BRCA1: variants seen among roughly 807,000 people sequenced by gnomAD.
BRCA1 encodes the protein BRCA1 DNA repair associated, also known as breast cancer type 1 susceptibility protein.
In BRCA1, 140 loss-of-function variants were observed where a neutral mutation model predicts 173.7. The ratio of observed to expected loss-of-function variants is 0.81; its 90% CI spans 0.70 to 0.93. BRCA1 has a LOEUF of 0.93. Ranked by LOEUF, BRCA1 falls within the 40% of genes least tolerant of loss-of-function variation. The pLI is 0.00. For synonymous variants in BRCA1, 662 were observed against 756.0 expected (o/e 0.88, Z 2.04); for missense variants, 1,983 against 2,172.5 (o/e 0.91, Z 1.73).
At chr17:43,105,592 G>A (rs1441898665) in intron 4 of BRCA1, among the ~76,000 whole-genome samples, 1 of 152,032 alleles carries the variant, frequency 6.6e-6, no homozygotes, top group African/African-American at 2.4e-5. Flanking sequence ...ACTTAGTTCT[G>A]CCTCTCAAGG....
chr17:43,130,386 C>T (rs762110031), upstream of BRCA1, among the ~76,000 whole-genome samples: 2 of 152,138 alleles, frequency 1.3e-5, no homozygotes, highest in African/African-American at 2.4e-5. Flanking sequence ...ATGATCTTGG[C>T]GCACTGCAAC....
At chr17:43,120,456 T>G (rs1300283224) in intron 2 of BRCA1, among the ~76,000 whole-genome samples, 1 of 152,198 alleles carries the variant, frequency 6.6e-6, no homozygotes, top group Non-Finnish European at 1.5e-5. Flanking sequence ...TACAAATGAA[T>G]GTAAAACACC....
At chr17:43,100,678 AATATATAT>A (rs56679756) in intron 6 of BRCA1, among the ~76,000 whole-genome samples, 34 of 36,246 alleles carry the variant, frequency 9.4e-4, no homozygotes, top group African/African-American at 3.6e-3. Context: ...ATATATATAT[AATATATAT>A]ATATATATAT....
intron 1 of BRCA1, among the ~76,000 whole-genome samples, chr17:43,133,905 G>A (rs1372022880): frequency 6.6e-6 from 1 of 152,154 alleles, no homozygotes; most frequent in East Asian, 1.9e-4. Context: ...AAAGTGCTAG[G>A]ATTACAGGCG....
chr17:43,070,570 C>G (rs1395173669), intron 15 of BRCA1, among the ~76,000 whole-genome samples: 1 of 152,156 alleles, frequency 6.6e-6, no homozygotes, highest in Non-Finnish European at 1.5e-5. Context: ...GGTAAATTCA[C>G]CCATGTGAGA....
chr17:43,151,727 A>C (rs1371277452), intron 1 of BRCA1, among the ~76,000 whole-genome samples: 1 of 152,044 alleles, frequency 6.6e-6, no homozygotes, highest in Admixed American at 6.6e-5. Context: ...CCATCTCTAC[A>C]AAAAAATGTT....
intron 2 of BRCA1, 52 bp downstream of exon 2, chr17:43,123,965 A>G: frequency 7.3e-7 from 1 of 1,374,898 alleles, no homozygotes. Context: ...GTTCATTTGC[A>G]TAGGAGATAA....
At position 43,090,952 on chromosome 17, in the gene BRCA1, T is replaced by G. The variant is rs587782870; in HGVS notation, c.4177A>C (p.Thr1393Pro). The G allele has an allele frequency of 6.2e-7, 1 of 1,610,120 alleles. No homozygotes were observed. Among genetic ancestry groups the G allele is most frequent in the Non-Finnish European group, 8.5e-7 (1 of 1,178,158 alleles). ...SGLSSQSDIL[T>P]TQQRDTMQHN... ...ACACACACGCTTTTTACCTGAGTGG[T>G]TAAAATGTCACTCTGAGAGGATAGC... The change falls in exon 11 of 23, where the codon ACC becomes CCC. Residue 1393 changes from threonine to proline, a missense_variant. Coordinates refer to ENST00000357654, the MANE Select transcript of BRCA1 (RefSeq NM_007294.4).
rs572878542 is a variant in BRCA1, at chr17:43,124,747, TTTTTGTTTTG to T, written c.-20+514_-20+523del. Reference sequence around the variant, plus strand: ...TCCTCTCATACATACCAGCCGGTGTTTTTTGTTTTGTTTTGTTTTGTTTTGTTTTGAGACA... The same window carrying T: ...TCCTCTCATACATACCAGCCGGTGTTTTTTGTTTTGTTTTGTTTTGAGACA... On this transcript the variant is annotated intron_variant, in intron 1 of 22. Transcript: ENST00000357654. 1.3e-3 allele frequency: 267 copies of T among 199,418 alleles called. 1 individual carries two copies. The highest frequency in any genetic ancestry group is 2.0e-3 in the Non-Finnish European group (187 of 95,786). The allele number at this position is 199,418 out of a possible 1,614,324, so 12.4% of individuals were successfully genotyped here.
intron 20 of BRCA1, among the ~76,000 whole-genome samples, chr17:43,050,805 G>A (rs868420894): frequency 3.1e-4 from 47 of 152,238 alleles, no homozygotes; most frequent in South Asian, 6.2e-4. Context: ...GCAGCTCAAC[G>A]CCATCTGAAC....
At position 43,045,726 on chromosome 17, in the gene BRCA1, C is replaced by A. The variant is rs2050865178; in HGVS notation, c.5544G>T (p.Gln1848His). Residue 1848 changes from glutamine to histidine, a missense_variant, in exon 23 of 23, where the codon CAG becomes CAT. Coordinates refer to ENST00000357654, the MANE Select transcript of BRCA1 (RefSeq NM_007294.4). ...GGGGTATCAGGTAGGTGTCCAGCTC[C>A]TGGCACTGGTAGAGTGCTACACTGT... Reference protein sequence around the residue: ...VLDSVALYQCQELDTYLIPQI... With the variant: ...VLDSVALYQCHELDTYLIPQI... 1 of 1,614,008 alleles carries A rather than the reference C, an allele frequency of 6.2e-7. No homozygotes were observed. The highest frequency in any genetic ancestry group is 1.1e-5 in the South Asian group (1 of 91,040).
chr17:43,078,025 G>A lies in BRCA1; in HGVS notation c.4358-1411C>T, dbSNP rs1347226043. Among the ~76,000 whole-genome samples the A allele has an allele frequency of 3.3e-5, 5 of 150,716 alleles. No individual in the cohort carries two copies. The East Asian group carries it at 9.9e-4, about 30-fold the overall frequency. Reference sequence around the variant, plus strand: ...GATGGGATTACAGGCGTGAGCCACTGCGCCCGACCGTTATTTTTCAACGAG... The same window carrying A: ...GATGGGATTACAGGCGTGAGCCACTACGCCCGACCGTTATTTTTCAACGAG... On this transcript the variant is annotated intron_variant, in intron 12 of 22. Transcript: ENST00000357654.
At chr17:43,114,624 T>C (rs929649106) in intron 3 of BRCA1, among the ~76,000 whole-genome samples, 3 of 152,216 alleles carry the variant, frequency 2.0e-5, no homozygotes, top group South Asian at 4.1e-4. Flanking sequence ...AAATTGATCA[T>C]TGTGGTTGTC....
intron 1 of BRCA1, among the ~76,000 whole-genome samples, chr17:43,152,554 A>G (rs2056168819): frequency 6.6e-6 from 1 of 151,862 alleles, no homozygotes; most frequent in Non-Finnish European, 1.5e-5. Context: ...CCCTGTCTCT[A>G]TTAAAAATAC....
At chr17:43,055,243 T>C (rs1031099331) in intron 19 of BRCA1, among the ~76,000 whole-genome samples, 6 of 152,232 alleles carry the variant, frequency 3.9e-5, no homozygotes, top group East Asian at 3.8e-4. Context: ...CAGGAGAAAG[T>C]CATTGAGTCT....
intron 3 of BRCA1, among the ~76,000 whole-genome samples, chr17:43,109,041 T>TATCTATCTACCTAC (rs1555597941): frequency 1.3e-5 from 2 of 151,468 alleles, no homozygotes; most frequent in Non-Finnish European, 1.5e-5. Context: ...TATCTATATC[T>TATCTATCTACCTAC]CTATCTATCT....
intron 1 of BRCA1, among the ~76,000 whole-genome samples, chr17:43,154,688 C>T (rs1220535216): frequency 6.6e-6 from 1 of 151,192 alleles, no homozygotes; most frequent in Non-Finnish European, 1.5e-5. Flanking sequence ...TATTAAGTAT[C>T]TACTACTATA....
At chr17:43,160,619 G>A (rs2056230309) in intron 1 of BRCA1, 1 of 152,186 alleles carries the variant, frequency 6.6e-6, no homozygotes, top group Non-Finnish European at 1.5e-5. Flanking sequence ...CGCCCGGGCT[G>A]TCTGCTTGTG....
chr17:43,138,060 G>T (rs1365916267), intron 1 of BRCA1: 1 of 158,706 alleles, frequency 6.3e-6, no homozygotes, highest in Non-Finnish European at 1.4e-5. Flanking sequence ...GGTGGTGCAT[G>T]CCTGTAATTC....
Sources: allele counts gnomAD v4.1 joint callset (sites outside exome capture counted in the v4.1 genomes callset), GRCh38; gene constraint gnomAD v4.1.1; transcripts MANE v1.5; gene names NCBI Gene and HGNC (gene_info 2026-07-23, HGNC 2026-07-21).